UPP2: variants seen among roughly 807,000 people sequenced by gnomAD.
UPP2 encodes uridine phosphorylase 2, also known as UPase 2.
A neutral mutation model predicts 26.7 loss-of-function variants in UPP2; 23 were observed. That is an observed-to-expected ratio of 0.86 (90% CI 0.62 to 1.22). The LOEUF is 1.22. UPP2 is among the 50% of genes most tolerant of loss of function. UPP2 has a pLI of 0.00. For synonymous variants in UPP2, 127 were observed against 141.3 expected, an observed-to-expected ratio of 0.90 and a Z score of 0.72; for missense variants, 387 against 396.7, an observed-to-expected ratio of 0.98 and a Z score of 0.21.
chr2:158,049,287 G>A (rs1174892999), intron 3 of UPP2, among the ~76,000 whole-genome samples: 4 of 152,154 alleles, frequency 2.6e-5, no homozygotes, highest in Admixed American at 6.5e-5. Flanking sequence ...GACAGATGGA[G>A]AGAGATTTAG....
chr2:158,083,820 A>G (rs1682768106), intron 3 of UPP2, among the ~76,000 whole-genome samples: 2 of 148,612 alleles, frequency 1.3e-5, no homozygotes, highest in African/African-American at 5.0e-5. Context: ...ATATATATAC[A>G]CGTATATATA....
chr2:158,123,867 A>G lies in UPP2; in HGVS notation c.783A>G (p.Ala261=), dbSNP rs751163974. 2 of 1,613,944 alleles carry G rather than the reference A, an allele frequency of 1.2e-6. No individual in the cohort carries two copies. Among genetic ancestry groups the G allele is most frequent in the African/African-American group, 2.7e-5 (2 of 74,938 alleles). ...RNIEMESTVF[A]AMCGLCGLKA... is the part of the protein sequence containing the mutation. The stretch of plus-strand genomic sequence containing the variant: ...TTGAAATGGAATCTACAGTGTTTGC[A>G]GCTATGTGTGGACTCTGTGGTCTAA... Residue 261 remains alanine (A), a synonymous_variant, in exon 6 of 7, where the codon GCA becomes GCG. Coordinates refer to ENST00000005756, the MANE Select transcript of UPP2 (RefSeq NM_173355.4).
At chr2:158,065,179 T>C (rs576597097) in intron 3 of UPP2, among the ~76,000 whole-genome samples, 2 of 152,302 alleles carry the variant, frequency 1.3e-5, no homozygotes, top group East Asian at 1.9e-4. Context: ...CTGCCAGGCA[T>C]AGCATGACCT....
At chr2:158,015,498 T>C (rs1385871905) in intron 2 of UPP2, among the ~76,000 whole-genome samples, 2 of 152,242 alleles carry the variant, frequency 1.3e-5, no homozygotes, top group Non-Finnish European at 2.9e-5. Flanking sequence ...GTTGGATATC[T>C]AGATTGCTTC....
intron 3 of UPP2, among the ~76,000 whole-genome samples, chr2:158,021,246 C>T (rs537151070): frequency 2.0e-5 from 3 of 152,138 alleles, no homozygotes; most frequent in Admixed American, 6.5e-5. Context: ...AGTCAAGAAC[C>T]CTAATTTTTA....
chr2:158,002,131 G>A (rs1398458724), intron 2 of UPP2, among the ~76,000 whole-genome samples: 1 of 152,054 alleles, frequency 6.6e-6, no homozygotes, highest in Non-Finnish European at 1.5e-5. Flanking sequence ...GGGAAGCCAA[G>A]GATGCAGGGC....
intron 3 of UPP2, among the ~76,000 whole-genome samples, chr2:158,021,768 TATC>T (rs1259615674): frequency 1.2e-4 from 18 of 152,338 alleles, no homozygotes; most frequent in Admixed American, 3.3e-4. Flanking sequence ...AGTATTATAC[TATC>T]ATCATAGACA....
chr2:158,119,308 T>C (rs370944294), intron 4 of UPP2, among the ~76,000 whole-genome samples: 1 of 152,050 alleles, frequency 6.6e-6, no homozygotes, highest in Non-Finnish European at 1.5e-5. Flanking sequence ...ACGATACATA[T>C]AGCACACAAT....
At chr2:158,058,304 A>G (rs1409237242) in intron 3 of UPP2, among the ~76,000 whole-genome samples, 8 of 14,408 alleles carry the variant, frequency 5.6e-4, no homozygotes, top group Non-Finnish European at 9.2e-4. Flanking sequence ...AAAAAAAAAA[A>G]AAAAAAAAAA....
At chr2:158,126,537 C>G (rs538608488) in intron 6 of UPP2, 2 of 152,182 alleles carry the variant, frequency 1.3e-5, no homozygotes, top group Middle Eastern at 6.3e-3. Flanking sequence ...GATCAGCCAC[C>G]AAGTATAGAG....
At chr2:158,016,892 G>A (rs1331278006) in intron 3 of UPP2, among the ~76,000 whole-genome samples, 1 of 152,118 alleles carries the variant, frequency 6.6e-6, no homozygotes, top group Non-Finnish European at 1.5e-5. Flanking sequence ...AGCCAAGGAA[G>A]AATTGGTGAC....
intron 3 of UPP2, among the ~76,000 whole-genome samples, chr2:158,061,600 T>C (rs1682352705): frequency 6.6e-6 from 1 of 151,960 alleles, no homozygotes; most frequent in East Asian, 1.9e-4. Context: ...ATATGGGGAG[T>C]GGTGGGACTG....
intron 6 of UPP2, among the ~76,000 whole-genome samples, chr2:158,131,698 T>A (rs1683823222): frequency 6.6e-6 from 1 of 152,132 alleles, no homozygotes; most frequent in South Asian, 2.1e-4. Flanking sequence ...TCACTAAGTA[T>A]CTCTTCCTCC....
At chr2:158,115,883 T>C (rs1466063009) in intron 3 of UPP2, among the ~76,000 whole-genome samples, 2 of 152,198 alleles carry the variant, frequency 1.3e-5, no homozygotes, top group Non-Finnish European at 2.9e-5. Context: ...CTTCCCATGT[T>C]TGTCTCTCTG....
intron 3 of UPP2, among the ~76,000 whole-genome samples, chr2:158,116,243 A>G (rs1477084750): frequency 6.6e-6 from 1 of 152,208 alleles, no homozygotes; most frequent in Non-Finnish European, 1.5e-5. Flanking sequence ...TCAATAAACC[A>G]TTACAGAATA....
At chr2:158,096,967 A>G (rs946969115), upstream of UPP2, among the ~76,000 whole-genome samples, 1 of 152,128 alleles carries the variant, frequency 6.6e-6, no homozygotes, top group Admixed American at 6.5e-5. Flanking sequence ...TCAACTGTAC[A>G]TGGATTAATT....
At chr2:158,057,224 C>A (rs138638340) in intron 3 of UPP2, among the ~76,000 whole-genome samples, 1 of 152,280 alleles carries the variant, frequency 6.6e-6, no homozygotes, top group Non-Finnish European at 1.5e-5. Flanking sequence ...TAAAGTTACT[C>A]TTTTTTCTCC....
intron 3 of UPP2, among the ~76,000 whole-genome samples, chr2:158,030,597 G>T (rs1305493283): frequency 6.6e-6 from 1 of 152,196 alleles, no homozygotes; most frequent in Non-Finnish European, 1.5e-5. Context: ...ACAGGGTAGG[G>T]CATTGAGACT....
intron 3 of UPP2, among the ~76,000 whole-genome samples, chr2:158,059,364 T>C (rs1024871332): frequency 6.6e-6 from 1 of 152,206 alleles, no homozygotes; most frequent in African/African-American, 2.4e-5. Context: ...TTTCAAATTA[T>C]ATGGCCATTT....
Sources: allele counts gnomAD v4.1 joint callset (sites outside exome capture counted in the v4.1 genomes callset), GRCh38; gene constraint gnomAD v4.1.1; transcripts MANE v1.5; gene names NCBI Gene and HGNC (gene_info 2026-07-23, HGNC 2026-07-21).